WNT11: variants seen among roughly 807,000 people sequenced by gnomAD.
The protein encoded by WNT11 is protein Wnt-11.
A neutral mutation model predicts 35.6 loss-of-function variants in WNT11; 20 were observed. The observed-to-expected ratio is 0.56, with a 90% CI of 0.40 to 0.82. The LOEUF (loss-of-function observed/expected upper bound fraction) is 0.82, where lower values mean the gene tolerates loss of function less well. Ranked by LOEUF, WNT11 falls within the 40% of genes least tolerant of loss-of-function variation. The pLI is 0.00. For synonymous variants in WNT11, 200 were observed against 211.9 expected (o/e 0.94, Z 0.49); for missense variants, 459 against 504.4 (o/e 0.91, Z 0.86).
Position 76,191,798 on chromosome 11 carries a change from G to C in WNT11, c.656C>G (p.Ser219Cys), listed in dbSNP as rs911080547. The C allele has an allele frequency of 8.1e-6, 13 of 1,610,890 alleles. No homozygotes were observed. Among genetic ancestry groups the C allele is most frequent in the Non-Finnish European group, 6.8e-6 (8 of 1,180,022 alleles). Residue 219 changes from serine to cysteine, a missense_variant, in exon 4 of 5, where the codon TCC becomes TGC. Transcript: ENST00000322563. ...CAGCCCCTTCCAGCAGGTGCGGATG[G>C]AGCAGGAGCCAGACACCCCATGGCA... ...CKCHGVSGSC[S>C]IRTCWKGLQE...
intron 1 of WNT11, among the ~76,000 whole-genome samples, chr11:76,201,711 T>A (rs924453801): frequency 6.6e-6 from 1 of 152,124 alleles, no homozygotes; most frequent in Non-Finnish European, 1.5e-5. Context: ...TCAGCAGCTC[T>A]CTCCCTGTGA....
rs1953250196 is a variant in WNT11, at chr11:76,194,770, AG to A, written c.393del (p.Ser132ProfsTer45). ...CAGGAGCAGCCGGGCAGGTCGCCGG[AG>A]GTGCAGGCCCGGGCGATGGCGTGGC... ...AISHAIARAC[T>X]SGDLPGCSCG... On this transcript the variant is annotated frameshift_variant, in exon 3 of 5. Coordinates refer to ENST00000322563, the MANE Select transcript of WNT11 (RefSeq NM_004626.3). LOFTEE classifies it high-confidence loss of function. This position sits in a 1 kb window ranked among gnomAD's most constrained non-coding sequence, Gnocchi z 5.4. 6.4e-7 allele frequency: 1 copy of A among 1,557,864 alleles called. No individual in the cohort carries two copies. Among genetic ancestry groups the A allele is most frequent in the Admixed American group, 1.9e-5 (1 of 52,936 alleles).
upstream of WNT11, among the ~76,000 whole-genome samples, chr11:76,209,679 G>T (rs1178372291): frequency 1.4e-5 from 2 of 146,396 alleles, no homozygotes; most frequent in Non-Finnish European, 3.0e-5. Context: ...GGTCACCCGG[G>T]AGACGGGTTG....
At chr11:76,193,811 C>A (rs2134576698) in intron 3 of WNT11, among the ~76,000 whole-genome samples, 1 of 152,326 alleles carries the variant, frequency 6.6e-6, no homozygotes, top group South Asian at 2.1e-4. Flanking sequence ...GCACATGCAG[C>A]TCTGGCCAAG....
chr11:76,199,649 A>G (rs1953344292), intron 1 of WNT11, among the ~76,000 whole-genome samples: 1 of 152,054 alleles, frequency 6.6e-6, no homozygotes, highest in Admixed American at 6.6e-5. Context: ...CTAAAATACA[A>G]AAAATTAGCT....
intron 2 of WNT11, 39 bp downstream of exon 2, chr11:76,196,444 C>T (rs374768109): frequency 6.2e-7 from 1 of 1,604,674 alleles, no homozygotes; most frequent in Non-Finnish European, 8.5e-7. Flanking sequence ...ATTCCTTCAC[C>T]CGCACCCACA....
At chr11:76,208,890 G>C (rs1003726709), upstream of WNT11, among the ~76,000 whole-genome samples, 1 of 152,196 alleles carries the variant, frequency 6.6e-6, no homozygotes, top group Non-Finnish European at 1.5e-5. Context: ...CAGCCGCGCA[G>C]GCCACGGGGT....
Position 76,194,496 on chromosome 11 carries a change from A to G in WNT11, c.597+71T>C. On this transcript the variant is annotated intron_variant, in intron 3 of 4. Coordinates refer to ENST00000322563, the MANE Select transcript of WNT11 (RefSeq NM_004626.3). The surrounding 1 kb of genome is among the most constrained non-coding windows in gnomAD (Gnocchi z 5.4). ...CCCCCGCACCCCCCACCACTGGGGC[A>G]AGCTGGGTGGCCCTTTTCTGGCCAA... is the stretch of plus-strand genomic sequence containing the variant. 1 of 1,476,540 alleles carries G rather than the reference A, an allele frequency of 6.8e-7. No individual in the cohort carries two copies. The highest frequency in any genetic ancestry group is 9.0e-7 in the Non-Finnish European group (1 of 1,107,604). The allele number at this position is 1,476,540 out of a possible 1,614,324, so 91.5% of individuals were successfully genotyped here.
intron 4 of WNT11, among the ~76,000 whole-genome samples, chr11:76,188,531 T>C (rs1254100317): frequency 1.3e-5 from 2 of 152,244 alleles, no homozygotes; most frequent in Non-Finnish European, 1.5e-5. Flanking sequence ...GGGAGTGTTT[T>C]CATGAGATGT....
intron 1 of WNT11, among the ~76,000 whole-genome samples, chr11:76,201,738 C>T (rs914428201): frequency 3.3e-5 from 5 of 152,212 alleles, no homozygotes; most frequent in Non-Finnish European, 5.9e-5. Context: ...GGGCAAGTCA[C>T]TGCCCCTTGC....
upstream of WNT11, among the ~76,000 whole-genome samples, chr11:76,207,930 C>T (rs1019969145): frequency 3.3e-5 from 5 of 152,252 alleles, no homozygotes; most frequent in Non-Finnish European, 7.3e-5. Flanking sequence ...GCCCCAGCCC[C>T]TCTCCCCTCG....
At chr11:76,206,543 G>A (rs1054498911), upstream of WNT11, 9 of 1,221,234 alleles carry the variant, frequency 7.4e-6, no homozygotes, top group Non-Finnish European at 9.2e-6. Context: ...GCGGCGCGCG[G>A]GCGGGGGAGG....
rs746206720 is a variant in WNT11, at chr11:76,194,764, C to T, written c.400G>A (p.Asp134Asn). The T allele has an allele frequency of 7.7e-6, 12 of 1,555,232 alleles. No individual in the cohort carries two copies. The highest frequency in any genetic ancestry group is 2.4e-5 in the South Asian group (2 of 84,412). ...GGGCCGCAGGAGCAGCCGGGCAGGT[C>T]GCCGGAGGTGCAGGCCCGGGCGATG... ...HAIARACTSG[D>N]LPGCSCGPVP... The change falls in exon 3 of 5, where the codon GAC (aspartate) becomes AAC (asparagine). Residue 134 changes from aspartate (D) to asparagine (N), a missense_variant. Coordinates refer to ENST00000322563, the MANE Select transcript of WNT11 (RefSeq NM_004626.3). The surrounding 1 kb of genome is among the most constrained non-coding windows in gnomAD (Gnocchi z 5.4).
intron 1 of WNT11, among the ~76,000 whole-genome samples, chr11:76,204,968 G>C (rs1288635814): frequency 6.6e-6 from 1 of 152,134 alleles, no homozygotes; most frequent in Admixed American, 6.5e-5. Context: ...GAGAGAGCTT[G>C]GACTCGCTGA....
chr11:76,196,788 C>T, intron 1 of WNT11, 70 bp from the exon 2 acceptor site: 6 of 1,477,324 alleles, frequency 4.1e-6, no homozygotes, highest in Non-Finnish European at 5.5e-6. Flanking sequence ...ATGGCCTCCA[C>T]CCGCCCTTCT....
At chr11:76,204,612 T>C (rs1252962186) in intron 1 of WNT11, among the ~76,000 whole-genome samples, 1 of 152,218 alleles carries the variant, frequency 6.6e-6, no homozygotes, top group Non-Finnish European at 1.5e-5. Flanking sequence ...TTTGTATTTC[T>C]ATATGTCCAT....
At chr11:76,209,442 G>A (rs1565199564), upstream of WNT11, among the ~76,000 whole-genome samples, 2 of 152,190 alleles carry the variant, frequency 1.3e-5, no homozygotes, top group Admixed American at 1.3e-4. Flanking sequence ...ACGCCCCACG[G>A]GCACCGTGCA....
intron 1 of WNT11, among the ~76,000 whole-genome samples, chr11:76,205,261 C>G (rs1030210238): frequency 6.6e-6 from 1 of 152,210 alleles, no homozygotes; most frequent in Non-Finnish European, 1.5e-5. Flanking sequence ...AACTAATTCA[C>G]AAACCCTTTG....
chr11:76,203,865 C>G (rs1195174097), intron 1 of WNT11, among the ~76,000 whole-genome samples: 1 of 152,264 alleles, frequency 6.6e-6, no homozygotes, highest in Non-Finnish European at 1.5e-5. Flanking sequence ...TCCCTGCTCC[C>G]AGCTGTGCTG....
Sources: gnomAD v4.1 joint callset for allele counts (sites outside exome capture counted in the v4.1 genomes callset) on GRCh38, gnomAD v4.1.1 for gene constraint, Gnocchi (gnomAD v3.1) non-coding constraint, MANE v1.5 for transcripts, NCBI Gene and HGNC (gene_info 2026-07-23, HGNC 2026-07-21) for gene names.